The following DDX59 variants were observed in gnomAD, a reference collection of about 807,000 sequenced individuals.
DDX59 encodes probable ATP-dependent RNA helicase DDX59.
DDX59 carries 30 observed loss-of-function variants against 51.9 expected under a neutral mutation model. The observed-to-expected ratio is 0.58, with a 90% confidence interval of 0.43 to 0.78. DDX59 has a LOEUF of 0.78. Ranked by LOEUF, DDX59 falls within the 30% of genes least tolerant of loss-of-function variation. The pLI is 0.00. For missense variants in DDX59, 672 were observed against 730.8 expected, an observed-to-expected ratio of 0.92 and a Z score of 0.93; for synonymous variants, 255 against 253.3, an observed-to-expected ratio of 1.01 and a Z score of -0.06.
chr1:200,663,884 AC>A (rs754142266), intron 3 of DDX59, 34 bp downstream of exon 3: 1 of 1,498,934 alleles, frequency 6.7e-7, no homozygotes, highest in African/African-American at 1.4e-5. Flanking sequence ...TGCTTACAAA[AC>A]TTTTCAAAGA....
chr1:200,650,625 C>G lies in DDX59; in HGVS notation c.1114G>C (p.Glu372Gln), dbSNP rs763297418. The G allele has an allele frequency of 1.6e-5, 26 of 1,613,602 alleles. No homozygotes were observed. The South Asian group carries it at 2.7e-4, about 17-fold the overall frequency. ...GTCTGACAATCATTAGGAATGTTTT[C>G]CAAAATGTCAAGCACTTGTTGTTGA... The part of the protein sequence containing the change: ...GFQQQVLDIL[E>Q]NIPNDCQTIL... The change falls in exon 5 of 8, where the codon GAA becomes CAA. Residue 372 changes from glutamate (E) to glutamine (Q), a missense_variant. Coordinates refer to ENST00000331314, the MANE Select transcript of DDX59 (RefSeq NM_001031725.6).
Position 200,644,469 on chromosome 1 carries a change from T to C in DDX59, c.1645A>G (p.Ile549Val). The C allele has an allele frequency of 6.2e-7, 1 of 1,603,788 alleles. No homozygotes were observed. The highest frequency in any genetic ancestry group is 8.5e-7 in the Non-Finnish European group (1 of 1,174,974). The change falls in exon 8 of 8, where the codon ATC becomes GTC. Residue 549 changes from isoleucine to valine, a missense_variant. Coordinates refer to ENST00000331314, the MANE Select transcript of DDX59 (RefSeq NM_001031725.6). The stretch of plus-strand genomic sequence containing the variant: ...AAGAGTCTTTTTGAATTATTATTGA[T>C]GAAAGTAATCGCTGTTCCATTTTGA... ...LGQNGTAITF[I>V]NNNSKRLFWD...
chr1:200,667,162 T>C (rs929653878), intron 1 of DDX59, among the ~76,000 whole-genome samples: 1 of 151,140 alleles, frequency 6.6e-6, no homozygotes. Context: ...CCCAGCACTT[T>C]GGGAGGCCGA....
chr1:200,658,162 TG>T (rs1413020172), intron 4 of DDX59, among the ~76,000 whole-genome samples: 3 of 152,218 alleles, frequency 2.0e-5, no homozygotes, highest in Non-Finnish European at 2.9e-5. Context: ...GCCAGGCCTC[TG>T]CTCTGTCACT....
intron 7 of DDX59, among the ~76,000 whole-genome samples, chr1:200,647,926 A>C (rs1276070665): frequency 7.0e-6 from 1 of 143,772 alleles, no homozygotes; most frequent in East Asian, 2.4e-4. Flanking sequence ...GTGAGCCGAG[A>C]TCATGCCACT....
chr1:200,663,705 C>T (rs1407781750), intron 3 of DDX59, among the ~76,000 whole-genome samples: 2 of 151,790 alleles, frequency 1.3e-5, no homozygotes, highest in Non-Finnish European at 2.9e-5. Flanking sequence ...CATTCAACAG[C>T]CTTTGGCATA....
intron 4 of DDX59, among the ~76,000 whole-genome samples, chr1:200,653,039 C>T (rs1661768054): frequency 6.6e-6 from 1 of 152,178 alleles, no homozygotes; most frequent in Admixed American, 6.6e-5. Context: ...CCTCCTTTCT[C>T]TTCTCTCAAT....
chr1:200,664,079 G>C lies in DDX59; in HGVS notation c.812C>G (p.Thr271Ser), dbSNP rs1310529366. 3 of 1,610,624 alleles carry C rather than the reference G, an allele frequency of 1.9e-6. No homozygotes were observed. Among genetic ancestry groups the C allele is most frequent in the Admixed American group, 1.7e-5 (1 of 58,858 alleles). The change falls in exon 3 of 8, where the codon ACT (threonine) becomes AGT (serine). Residue 271 changes from threonine (T) to serine (S), a missense_variant. Transcript: ENST00000331314. ...VIMRALFESK[T>S]PSALILTPTR... ...TGGTGTAAGAATGAGCGCAGATGGA[G>C]TTTTGCTCTGCAAAGATGTGAAAAA...
In DDX59 at chr1:200,666,165, T is replaced by C; in HGVS notation, c.576A>G (p.Leu192=). 1 of 1,614,196 alleles carries C rather than the reference T, an allele frequency of 6.2e-7. No homozygotes were observed. Among genetic ancestry groups the C allele is most frequent in the African/African-American group, 1.3e-5 (1 of 75,050 alleles). Residue 192 remains leucine (L), a synonymous_variant, in exon 2 of 8, where the codon TTA becomes TTG. Coordinates refer to ENST00000331314, the MANE Select transcript of DDX59 (RefSeq NM_001031725.6). The part of the protein sequence containing the change: ...IENLKQQLGI[L]VQGQEVTRPI... ...GCCTGGTGACTTCTTGCCCTTGAAC[T>C]AAAATTCCCAGCTGCTGTTTAAGAT... is the stretch of plus-strand genomic sequence containing the variant.
chr1:200,644,568 T>C (rs1240687590), intron 7 of DDX59, 51 bp from the exon 8 acceptor site: 1 of 1,522,812 alleles, frequency 6.6e-7, no homozygotes, highest in South Asian at 1.3e-5. Context: ...AAAATCTTAG[T>C]GTCTTTTGAA....
At chr1:200,662,481 C>A (rs1466042784) in intron 3 of DDX59, among the ~76,000 whole-genome samples, 1 of 152,108 alleles carries the variant, frequency 6.6e-6, no homozygotes, top group Admixed American at 6.5e-5. Context: ...ATGGTGAAAT[C>A]CCATCTCTAC....
Position 200,667,171 on chromosome 1 carries a change from G to C in DDX59, c.-11-420C>G, listed in dbSNP as rs533765517. Among the ~76,000 whole-genome samples, 78 of 152,044 alleles carry C rather than the reference G, an allele frequency of 5.1e-4. 1 individual carries two copies. Among genetic ancestry groups the C allele is most frequent in the African/African-American group, 1.8e-3 (73 of 41,462 alleles). The stretch of plus-strand genomic sequence containing the variant: ...TGTAATCCCAGCACTTTGGGAGGCC[G>C]AGGCGGGCAGATCACGAGGTCAGGA... On this transcript the variant is annotated intron_variant, in intron 1 of 7. Transcript: ENST00000331314.
chr1:200,643,591 C>T (rs535175274), downstream of DDX59, among the ~76,000 whole-genome samples: 12 of 151,926 alleles, frequency 7.9e-5, no homozygotes, highest in African/African-American at 2.4e-4. Context: ...TGCAGTGAGC[C>T]GAGATCGTGC....
Position 200,650,441 on chromosome 1 carries a change from A to C in DDX59, c.1298T>G (p.Leu433Ter). ...WVEDPAKKKK[L>*]FEILNDKKLF... is the part of the protein sequence containing the mutation. ...ACTACTCACATTTAAAATTTCAAAT[A>C]ATTTTTTCTTTTTGGCTGGGTCTTC... Residue 433 changes from leucine (L) to a stop codon, truncating the protein, a stop_gained, in exon 5 of 8, where the codon TTA (leucine) becomes TGA (stop). Transcript: ENST00000331314. LOFTEE classifies it high-confidence loss of function. 6.2e-7 allele frequency: 1 copy of C among 1,612,444 alleles called. No homozygotes were observed. Among genetic ancestry groups the C allele is most frequent in the Non-Finnish European group, 8.5e-7 (1 of 1,179,086 alleles).
intron 3 of DDX59, among the ~76,000 whole-genome samples, chr1:200,661,775 C>T (rs1318554033): frequency 6.6e-6 from 1 of 152,172 alleles, no homozygotes; most frequent in Non-Finnish European, 1.5e-5. Flanking sequence ...ATATTAATTC[C>T]TGATGTAATC....
At chr1:200,649,556 G>A (rs1661515095) in intron 5 of DDX59, among the ~76,000 whole-genome samples, 1 of 145,442 alleles carries the variant, frequency 6.9e-6, no homozygotes, top group Non-Finnish European at 1.5e-5. Flanking sequence ...TTGAACCTGA[G>A]AGGTAGAGGT....
At chr1:200,660,929 T>C (rs1223809167) in intron 3 of DDX59, among the ~76,000 whole-genome samples, 1 of 152,214 alleles carries the variant, frequency 6.6e-6, no homozygotes, top group Non-Finnish European at 1.5e-5. Flanking sequence ...CAGCGATGAC[T>C]GTATTCCCTA....
rs1446724957 is a variant in DDX59, at chr1:200,666,470, C to T, written c.271G>A (p.Val91Ile). ...CGCTGTGTTTTGGAAAATGACTTAA[C>T]GGGCTCTTCAGAAGGATGGCTGTCC... ...AKDSHPSEEP[V>I]KSFSKTQRWA... Residue 91 changes from valine to isoleucine, a missense_variant, in exon 2 of 8, where the codon GTT becomes ATT. Physicochemically the swap from Val to Ile is conservative, Grantham distance 29. Transcript: ENST00000331314. The T allele has an allele frequency of 5.6e-6, 9 of 1,614,186 alleles. No individual in the cohort carries two copies. Among genetic ancestry groups the T allele is most frequent in the South Asian group, 1.1e-5 (1 of 91,084 alleles).
intron 3 of DDX59, among the ~76,000 whole-genome samples, chr1:200,663,582 A>ATCT (rs1183220471): frequency 6.6e-6 from 1 of 152,182 alleles, no homozygotes; most frequent in African/African-American, 2.4e-5. Context: ...ATCCTTAGAT[A>ATCT]AACTCCACCT....
Sources: gnomAD v4.1 joint callset for allele counts (sites outside exome capture counted in the v4.1 genomes callset) on GRCh38, gnomAD v4.1.1 for gene constraint, MANE v1.5 for transcripts, NCBI Gene and HGNC (gene_info 2026-07-23, HGNC 2026-07-21) for gene names.